The following FSAF1 variants were observed in gnomAD, a reference collection of about 807,000 sequenced individuals.
The protein encoded by FSAF1 is 40S small subunit processome assembly factor 1.
the FSAF1 span, chr1:231,224,304 A>G: frequency 3.0e-5 from 49 of 1,611,508 alleles, no homozygotes; most frequent in Non-Finnish European, 4.0e-5. Context: ...GGAAGAATTT[A>G]TTTTCTTGAT....
chr1:231,230,522 C>A, the FSAF1 span, among the ~76,000 whole-genome samples: 1 of 152,186 alleles, frequency 6.6e-6, no homozygotes, highest in Non-Finnish European at 1.5e-5. Flanking sequence ...GCCCTACCTG[C>A]CAAGAGGTGC....
the FSAF1 span, among the ~76,000 whole-genome samples, chr1:231,232,452 G>C: frequency 6.6e-6 from 1 of 152,174 alleles, no homozygotes; most frequent in African/African-American, 2.4e-5. Context: ...CCACCCTCCA[G>C]ATGGTGGCAC....
the FSAF1 span, chr1:231,227,196 ACT>A: frequency 3.2e-6 from 3 of 949,470 alleles, no homozygotes; most frequent in Non-Finnish European, 4.9e-6. Flanking sequence ...TAATAACTCC[ACT>A]GTCATGTGGT....
At chr1:231,229,552 T>C in the FSAF1 span, among the ~76,000 whole-genome samples, 1 of 152,176 alleles carries the variant, frequency 6.6e-6, no homozygotes, top group Non-Finnish European at 1.5e-5. Flanking sequence ...TACACCTACG[T>C]TCATAGCAGC....
At chr1:231,239,623 G>A in the FSAF1 span, among the ~76,000 whole-genome samples, 1 of 152,128 alleles carries the variant, frequency 6.6e-6, no homozygotes, top group Admixed American at 6.5e-5. Flanking sequence ...TAAGACAACT[G>A]GCTCAATTTG....
the FSAF1 span, among the ~76,000 whole-genome samples, chr1:231,234,406 A>G: frequency 6.6e-6 from 1 of 152,176 alleles, no homozygotes; most frequent in Non-Finnish European, 1.5e-5. The surrounding 1 kb of genome is among the most constrained non-coding windows in gnomAD (Gnocchi z 4.0). Flanking sequence ...TGACGCTTTC[A>G]TTGCTTAAAA....
At chr1:231,227,038 T>C in the FSAF1 span, 1 of 1,614,008 alleles carries the variant, frequency 6.2e-7, no homozygotes, top group African/African-American at 1.3e-5. Flanking sequence ...CCATAACCCG[T>C]GATACCAAAC....
the FSAF1 span, chr1:231,239,115 A>G: frequency 1.2e-6 from 2 of 1,613,046 alleles, no homozygotes; most frequent in South Asian, 1.1e-5. Flanking sequence ...AGGCCGCTGA[A>G]GCCATCACAT....
At chr1:231,225,404 C>G in the FSAF1 span, 1 of 1,474,954 alleles carries the variant, frequency 6.8e-7, no homozygotes, top group Admixed American at 1.7e-5. Context: ...TTCAAGGCGT[C>G]CTTGTCAGAA....
At chr1:231,225,646 A>G in the FSAF1 span, 1 of 849,866 alleles carries the variant, frequency 1.2e-6, no homozygotes, top group Non-Finnish European at 1.9e-6. Flanking sequence ...TCAAGTGGGC[A>G]TATTAAACAT....
At chr1:231,231,953 AC>A in the FSAF1 span, among the ~76,000 whole-genome samples, 5 of 152,044 alleles carry the variant, frequency 3.3e-5, no homozygotes. Context: ...TAAACAGTTC[AC>A]CAGAAACATC....
chr1:231,241,106 C>A, the FSAF1 span: 11 of 1,613,512 alleles, frequency 6.8e-6, no homozygotes, highest in African/African-American at 6.7e-5. Context: ...CTTGCTCCTG[C>A]GACATTGTGG....
the FSAF1 span, chr1:231,239,070 G>C: frequency 6.2e-7 from 1 of 1,614,192 alleles, no homozygotes; most frequent in South Asian, 1.1e-5. Context: ...GGCCTCTTAT[G>C]AGAGAACCAG....
the FSAF1 span, among the ~76,000 whole-genome samples, chr1:231,234,505 C>G: frequency 6.6e-6 from 1 of 152,200 alleles, no homozygotes; most frequent in South Asian, 2.1e-4. This position sits in a 1 kb window ranked among gnomAD's most constrained non-coding sequence, Gnocchi z 4.0. Flanking sequence ...TAGTCCAGGC[C>G]ACGCTATTTT....
the FSAF1 span, among the ~76,000 whole-genome samples, chr1:231,234,768 T>C: frequency 3.3e-5 from 5 of 152,190 alleles, no homozygotes; most frequent in Non-Finnish European, 5.9e-5. The surrounding 1 kb of genome is among the most constrained non-coding windows in gnomAD (Gnocchi z 4.0). Flanking sequence ...GCACCAACCA[T>C]TCTCCCTTCT....
At chr1:231,229,158 G>A in the FSAF1 span, 1 of 1,565,470 alleles carries the variant, frequency 6.4e-7, no homozygotes, top group Non-Finnish European at 8.7e-7. Flanking sequence ...ACTTTTTCTA[G>A]GTTAAATTCT....
At chr1:231,235,568 T>C in the FSAF1 span, among the ~76,000 whole-genome samples, 1 of 151,216 alleles carries the variant, frequency 6.6e-6, no homozygotes, top group African/African-American at 2.4e-5. Flanking sequence ...TTTGGGAGGC[T>C]GCGGCAAAAG....
the FSAF1 span, chr1:231,226,595 C>A: frequency 2.6e-6 from 2 of 760,690 alleles, no homozygotes; most frequent in Non-Finnish European, 2.3e-6. Context: ...CTAAACAGAG[C>A]TAACTCGAAG....
chr1:231,226,224 C>T, the FSAF1 span, among the ~76,000 whole-genome samples: 2 of 152,014 alleles, frequency 1.3e-5, no homozygotes, highest in African/African-American at 2.4e-5. Context: ...AGTGAGTTCT[C>T]CCTCTGTTAC....
Sources: gnomAD v4.1 joint callset for allele counts (sites outside exome capture counted in the v4.1 genomes callset) on GRCh38, gnomAD v4.1.1 for gene constraint, Gnocchi (gnomAD v3.1) non-coding constraint, MANE v1.5 for transcripts, NCBI Gene and HGNC (gene_info 2026-07-23, HGNC 2026-07-21) for gene names.